USP7: variants seen among roughly 807,000 people sequenced by gnomAD.
The protein encoded by USP7 is ubiquitin C-terminal hydrolase 7.
USP7 carries 9 observed loss-of-function variants against 162.9 expected under a neutral mutation model. The observed-to-expected ratio is 0.06, with a 90% confidence interval of 0.03 to 0.10. The LOEUF (loss-of-function observed/expected upper bound fraction) is 0.10. Among genes scored for constraint, USP7 ranks in the 10% least tolerant of loss-of-function variants. The pLI, the probability that USP7 is intolerant of heterozygous loss-of-function variation, is 1.00. For missense variants in USP7, 715 were observed against 1,373.7 expected, an observed-to-expected ratio of 0.52 and a Z score of 7.58; for synonymous variants, 562 against 475.9, an observed-to-expected ratio of 1.18 and a Z score of -2.35.
intron 26 of USP7, among the ~76,000 whole-genome samples, chr16:8,896,138 T>A (rs1166137988): frequency 3.5e-5 from 2 of 57,530 alleles, no homozygotes; most frequent in Admixed American, 4.8e-4. Context: ...CATGCCCAGC[T>A]TTTTTTTTTT....
intron 21 of USP7, chr16:8,900,008 C>A (rs550346711): frequency 1.3e-5 from 7 of 558,076 alleles, no homozygotes; most frequent in African/African-American, 1.1e-4. Flanking sequence ...AACAAAACCC[C>A]CTTAGGTAAC....
At chr16:8,960,233 A>T (rs1899958687) in intron 1 of USP7, among the ~76,000 whole-genome samples, 1 of 152,160 alleles carries the variant, frequency 6.6e-6, no homozygotes, top group South Asian at 2.1e-4. Context: ...GAAACATGCA[A>T]CTGGCTGCTT....
chr16:8,913,114 G>A (rs1019537532), intron 10 of USP7, among the ~76,000 whole-genome samples: 11 of 152,190 alleles, frequency 7.2e-5, no homozygotes, highest in Non-Finnish European at 1.2e-4. Context: ...CCAAAATCTT[G>A]GGAGGCCAAG....
intron 28 of USP7, 54 bp from the exon 29 acceptor site, chr16:8,894,909 A>G (rs2061658459): frequency 6.2e-7 from 1 of 1,613,820 alleles, no homozygotes; most frequent in Admixed American, 1.7e-5. Context: ...CCCCCAGGCC[A>G]CGTCACGTGG....
At chr16:8,936,500 C>T (rs1045256908) in intron 1 of USP7, 3 of 1,385,686 alleles carry the variant, frequency 2.2e-6, no homozygotes, top group East Asian at 2.7e-5. Flanking sequence ...AAATATACTT[C>T]AGAAGTTTGG....
intron 1 of USP7, among the ~76,000 whole-genome samples, chr16:8,961,902 G>C (rs1337045942): frequency 6.6e-6 from 1 of 152,166 alleles, no homozygotes; most frequent in Non-Finnish European, 1.5e-5. Context: ...CGTGGACTCC[G>C]CTCTTCTGTC....
In USP7 at chr16:8,897,064, G is replaced by A; in HGVS notation, c.2754C>T (p.Val918=). The A allele has an allele frequency of 1.9e-6, 3 of 1,614,070 alleles. No homozygotes were observed. The highest frequency in any genetic ancestry group is 2.5e-6 in the Non-Finnish European group (3 of 1,179,936). The change falls in exon 26 of 31, where the codon GTC becomes GTT. Residue 918 remains valine, a synonymous_variant. Coordinates refer to ENST00000344836, the MANE Select transcript of USP7 (RefSeq NM_003470.3). ...TTTTACATTCTTCTAACAGGTCCCG[G>A]ACACACCCATGCTTGTCTGGATATA... ...ITLYPDKHGC[V]RDLLEECKKA...
rs1162081121 is a variant in USP7, at chr16:8,917,163, C to A, written c.721-7G>T. The A allele has an allele frequency of 1.9e-6, 3 of 1,585,190 alleles. No homozygotes were observed. The highest frequency in any genetic ancestry group is 1.2e-5 in the South Asian group (1 of 85,348). The stretch of plus-strand genomic sequence containing the variant: ...TTGGCATCATGTACACAGCCTGAAA[C>A]AATTAAGAAATAAGAATTTTTACTC... On this transcript the variant is annotated splice_polypyrimidine_tract_variant and splice_region_variant and intron_variant, in intron 6 of 30. Coordinates refer to ENST00000344836, the MANE Select transcript of USP7 (RefSeq NM_003470.3).
chr16:8,916,248 AT>A (rs1330760732), intron 8 of USP7, among the ~76,000 whole-genome samples: 3 of 152,186 alleles, frequency 2.0e-5, no homozygotes, highest in Admixed American at 1.3e-4. Context: ...ATATATACCA[AT>A]TTAACAAATT....
chr16:8,936,497 C>A, intron 1 of USP7: 1 of 1,376,406 alleles, frequency 7.3e-7, no homozygotes, highest in South Asian at 1.6e-5. Flanking sequence ...CCCAAATATA[C>A]TTCAGAAGTT....
intron 15 of USP7, among the ~76,000 whole-genome samples, chr16:8,903,892 A>T (rs1212956558): frequency 6.6e-6 from 1 of 152,038 alleles, no homozygotes; most frequent in Admixed American, 6.6e-5. Flanking sequence ...AGGAAAAGAA[A>T]AAAGAAAAGG....
chr16:8,928,243 T>C (rs557094077), intron 2 of USP7, among the ~76,000 whole-genome samples: 4 of 152,324 alleles, frequency 2.6e-5, no homozygotes, highest in East Asian at 1.9e-4. Flanking sequence ...AAGTCGCTGA[T>C]AGTTTGGCTA....
intron 18 of USP7, among the ~76,000 whole-genome samples, chr16:8,901,672 A>C (rs1314645299): frequency 6.6e-6 from 1 of 152,320 alleles, no homozygotes; most frequent in South Asian, 2.1e-4. Context: ...TTGTCGATAA[A>C]GTTGTACTGG....
chr16:8,963,064 CG>C (rs1491551198), intron 1 of USP7, 142 bp downstream of exon 1: 1 of 707,928 alleles, frequency 1.4e-6, no homozygotes, highest in Non-Finnish European at 1.8e-6. Context: ...CCTCGCAGGC[CG>C]GGGCCGGGAG....
intron 1 of USP7, among the ~76,000 whole-genome samples, chr16:8,956,895 T>C (rs1475630328): frequency 1.3e-5 from 2 of 152,074 alleles, no homozygotes; most frequent in Non-Finnish European, 2.9e-5. Context: ...GCCTCAGCCA[T>C]GCCCAGCCCT....
intron 17 of USP7, 51 bp from the exon 18 acceptor site, chr16:8,902,238 CAG>C: frequency 6.3e-7 from 1 of 1,597,186 alleles, no homozygotes; most frequent in Non-Finnish European, 8.6e-7. Context: ...GCTTAGGTGA[CAG>C]AGCGAAAAAC....
rs1169209350 is a variant in USP7 at position 8,963,192 on chromosome 16, G to T, written c.79+15C>A. On this transcript the variant is annotated intron_variant, in intron 1 of 30. Coordinates refer to ENST00000344836, the MANE Select transcript of USP7 (RefSeq NM_003470.3). ...GCGCCCCCCGGCCCCGCCGCGGCCGGCCCTCGGGCCTCACCTTCCATCTCC... is the reference window on the plus strand; with the variant it reads ...GCGCCCCCCGGCCCCGCCGCGGCCGTCCCTCGGGCCTCACCTTCCATCTCC... 2 of 1,407,660 alleles carry T rather than the reference G, an allele frequency of 1.4e-6. No homozygotes were observed. The highest frequency in any genetic ancestry group is 9.3e-7 in the Non-Finnish European group (1 of 1,071,390). 87.2% of individuals were successfully genotyped at this position (1,407,660 alleles called of 1,614,324 possible).
intron 2 of USP7, among the ~76,000 whole-genome samples, chr16:8,928,566 A>G (rs1898142346): frequency 6.6e-6 from 1 of 152,156 alleles, no homozygotes; most frequent in Non-Finnish European, 1.5e-5. Flanking sequence ...CAGCTGGAAA[A>G]CGCTGCCCTC....
chr16:8,950,685 G>C (rs1198308161), intron 1 of USP7, among the ~76,000 whole-genome samples: 2 of 152,228 alleles, frequency 1.3e-5, no homozygotes, highest in African/African-American at 4.8e-5. Flanking sequence ...TTCAGAAGCT[G>C]TATGTGCCTG....
Sources: gnomAD v4.1 joint callset for allele counts (sites outside exome capture counted in the v4.1 genomes callset) on GRCh38, gnomAD v4.1.1 for gene constraint, MANE v1.5 for transcripts, NCBI Gene and HGNC (gene_info 2026-07-23, HGNC 2026-07-21) for gene names.